MSH3: variants seen among roughly 807,000 people sequenced by gnomAD.
MSH3 encodes mutS homolog 3.
Under a neutral mutation model 123.3 loss-of-function variants are expected in MSH3, and 106 were observed. The ratio of observed to expected loss-of-function variants is 0.86; its 90% CI spans 0.73 to 1.01. The LOEUF (loss-of-function observed/expected upper bound fraction) is 1.01, where lower values mean the gene tolerates loss of function less well. Among genes scored for constraint, MSH3 ranks in the 50% least tolerant of loss-of-function variants. The probability of loss-of-function intolerance (pLI) is 0.00; values close to 1 mark genes in which losing one functional copy is unlikely to be tolerated. For missense variants in MSH3, 1,459 were observed against 1,347.6 expected (o/e 1.08, Z -1.29); for synonymous variants, 515 against 481.4 (o/e 1.07, Z -0.91).
At chr5:80,786,634 T>G (rs1168327919) in intron 17 of MSH3, among the ~76,000 whole-genome samples, 1 of 152,192 alleles carries the variant, frequency 6.6e-6, no homozygotes, top group East Asian at 1.9e-4. Context: ...AAAAGATACT[T>G]TATACTTGGC....
intron 22 of MSH3, among the ~76,000 whole-genome samples, chr5:80,868,334 C>A (rs916997014): frequency 1.3e-5 from 2 of 151,778 alleles, no homozygotes; most frequent in African/African-American, 4.8e-5. Flanking sequence ...TTCATTGCAG[C>A]ACTATTCACA....
At chr5:80,871,194 C>A (rs1282565040) in intron 22 of MSH3, among the ~76,000 whole-genome samples, 1 of 152,166 alleles carries the variant, frequency 6.6e-6, no homozygotes, top group East Asian at 1.9e-4. Context: ...CTGCAGAGAA[C>A]TCTGAGGCTA....
At chr5:80,830,277 A>G (rs565070102) in intron 20 of MSH3, among the ~76,000 whole-genome samples, 1 of 152,178 alleles carries the variant, frequency 6.6e-6, no homozygotes, top group East Asian at 1.9e-4. Context: ...CTTCAGATTT[A>G]ATTTACTTTC....
chr5:80,742,045 G>C (rs1438020519), intron 11 of MSH3, among the ~76,000 whole-genome samples: 2 of 147,954 alleles, frequency 1.4e-5, no homozygotes, highest in African/African-American at 5.0e-5. Flanking sequence ...TCGCTCTGTT[G>C]CCCAGGCTGG....
intron 12 of MSH3, among the ~76,000 whole-genome samples, chr5:80,761,052 T>C (rs983696845): frequency 1.3e-5 from 2 of 152,144 alleles, no homozygotes; most frequent in Non-Finnish European, 2.9e-5. Flanking sequence ...GGACCAGATA[T>C]ATTGTTGTAG....
intron 13 of MSH3, 67 bp downstream of exon 13, chr5:80,761,745 G>C (rs181218748): frequency 6.4e-7 from 1 of 1,560,708 alleles, no homozygotes; most frequent in Non-Finnish European, 8.8e-7. Context: ...TATATTAAAA[G>C]AAAACTTTTG....
At chr5:80,779,117 T>C (rs1744363722) in intron 17 of MSH3, among the ~76,000 whole-genome samples, 1 of 151,790 alleles carries the variant, frequency 6.6e-6, no homozygotes, top group South Asian at 2.1e-4. Context: ...CTCAGCCTCC[T>C]GAGTAGCTGG....
chr5:80,750,235 ATTCCTTTGG>A (rs1472636780), intron 12 of MSH3, among the ~76,000 whole-genome samples: 1 of 152,084 alleles, frequency 6.6e-6, no homozygotes, highest in African/African-American at 2.4e-5. Flanking sequence ...ACTGATTTCA[ATTCCTTTGG>A]ATATATACCC....
At chr5:80,797,997 C>T (rs559711746) in intron 19 of MSH3, among the ~76,000 whole-genome samples, 6 of 151,816 alleles carry the variant, frequency 4.0e-5, no homozygotes, top group South Asian at 2.1e-4. Flanking sequence ...CAGTTAAAGT[C>T]GGGGTTTTCA....
At chr5:80,707,007 T>A (rs925940815) in intron 8 of MSH3, among the ~76,000 whole-genome samples, 21 of 152,226 alleles carry the variant, frequency 1.4e-4, no homozygotes, top group African/African-American at 3.9e-4. Context: ...AACGTTCTCT[T>A]TGCCTTTTTG....
chr5:80,816,715 G>T (rs756790570), intron 20 of MSH3, among the ~76,000 whole-genome samples: 3 of 152,164 alleles, frequency 2.0e-5, no homozygotes, highest in Admixed American at 6.5e-5. Context: ...GTGGAAAGGA[G>T]TCATATTTGA....
intron 19 of MSH3, 57 bp downstream of exon 19, chr5:80,792,901 C>A: frequency 9.1e-7 from 1 of 1,094,788 alleles, no homozygotes; most frequent in African/African-American, 1.6e-5. Context: ...TTTTACATAC[C>A]AAAGAAACAT....
At chr5:80,818,064 T>C (rs575378222) in intron 20 of MSH3, among the ~76,000 whole-genome samples, 1 of 151,918 alleles carries the variant, frequency 6.6e-6, no homozygotes, top group Admixed American at 6.6e-5. Flanking sequence ...ACTAAAAATA[T>C]AAAAAATAGC....
intron 20 of MSH3, among the ~76,000 whole-genome samples, chr5:80,845,737 G>A (rs1185914204): frequency 6.6e-6 from 1 of 152,120 alleles, no homozygotes; most frequent in Non-Finnish European, 1.5e-5. Context: ...CTCATGCCGT[G>A]GTTTTCAGCT....
chr5:80,694,830 TC>T (rs1424262477), intron 8 of MSH3, among the ~76,000 whole-genome samples: 2 of 151,966 alleles, frequency 1.3e-5, no homozygotes, highest in Non-Finnish European at 2.9e-5. Flanking sequence ...AGATGAGAAA[TC>T]TACTATCATT....
chr5:80,833,630 A>G (rs1364757592), intron 20 of MSH3, among the ~76,000 whole-genome samples: 1 of 152,100 alleles, frequency 6.6e-6, no homozygotes, highest in East Asian at 1.9e-4. Context: ...TTTAGTAGAG[A>G]TGGGGTTTCA....
At chr5:80,777,585 A>G (rs1744327844) in intron 16 of MSH3, among the ~76,000 whole-genome samples, 1 of 152,208 alleles carries the variant, frequency 6.6e-6, no homozygotes, top group African/African-American at 2.4e-5. Flanking sequence ...AATCAGTGAC[A>G]CCATCTTTCA....
intron 20 of MSH3, among the ~76,000 whole-genome samples, chr5:80,838,203 A>T (rs1040327625): frequency 6.6e-6 from 1 of 152,218 alleles, no homozygotes; most frequent in Non-Finnish European, 1.5e-5. Context: ...TGAACACCAG[A>T]AAGTGGAGAT....
Position 80,792,716 on chromosome 5 carries a change from A to C in MSH3, c.2544-17A>C. 3 of 1,487,624 alleles carry C rather than the reference A, an allele frequency of 2.0e-6. No individual in the cohort carries two copies. Among genetic ancestry groups the C allele is most frequent in the East Asian group, 4.5e-5 (2 of 44,098 alleles). The allele number at this position is 1,487,624 out of a possible 1,614,324, so 92.2% of individuals were successfully genotyped here. ...ATTTCCATGCCTAGTAAATTGAAAC[A>C]TATTTCTTTTTTGCAGACCAACTGT... On this transcript the variant is annotated splice_polypyrimidine_tract_variant and intron_variant, in intron 18 of 23. Coordinates refer to ENST00000265081, the MANE Select transcript of MSH3 (RefSeq NM_002439.5).
Sources: allele counts gnomAD v4.1 joint callset (sites outside exome capture counted in the v4.1 genomes callset), GRCh38; gene constraint gnomAD v4.1.1; transcripts MANE v1.5; gene names NCBI Gene and HGNC (gene_info 2026-07-23, HGNC 2026-07-21).